The following ARB2A variants were observed in gnomAD, a reference collection of about 807,000 sequenced individuals.
The protein encoded by ARB2A is cotranscriptional regulator ARB2A.
the ARB2A span, among the ~76,000 whole-genome samples, chr5:93,704,418 G>A: frequency 6.6e-6 from 1 of 152,102 alleles, no homozygotes; most frequent in Non-Finnish European, 1.5e-5. Flanking sequence ...AATAAAATTA[G>A]TTGGGCCTTG....
chr5:93,893,810 T>C, the ARB2A span, among the ~76,000 whole-genome samples: 1 of 152,094 alleles, frequency 6.6e-6, no homozygotes, highest in African/African-American at 2.4e-5. Context: ...AAGGAGAAAA[T>C]CTTCTAAACC....
At chr5:93,696,185 T>C in the ARB2A span, among the ~76,000 whole-genome samples, 3 of 152,096 alleles carry the variant, frequency 2.0e-5, no homozygotes, top group East Asian at 5.8e-4. Context: ...AAGGTATCTA[T>C]AAAAAAACCC....
chr5:94,067,095 A>G, the ARB2A span, among the ~76,000 whole-genome samples: 1 of 152,356 alleles, frequency 6.6e-6, no homozygotes, highest in East Asian at 1.9e-4. Context: ...AAACCATATG[A>G]TCATCTCAGT....
chr5:94,042,314 C>CTTTT, the ARB2A span, among the ~76,000 whole-genome samples: 53 of 103,048 alleles, frequency 5.1e-4, no homozygotes, highest in Admixed American at 1.1e-3. Context: ...AAAAGATCAG[C>CTTTT]TTTTTTTTTT....
the ARB2A span, among the ~76,000 whole-genome samples, chr5:93,772,755 C>T: frequency 6.6e-6 from 1 of 152,190 alleles, no homozygotes; most frequent in Non-Finnish European, 1.5e-5. Flanking sequence ...TCCTCCCTGG[C>T]TTTTGGCCTG....
the ARB2A span, among the ~76,000 whole-genome samples, chr5:93,898,102 A>G: frequency 1.3e-5 from 2 of 152,058 alleles, no homozygotes; most frequent in African/African-American, 4.8e-5. Context: ...CCTACCCCTG[A>G]CAATTTTAAG....
chr5:93,663,580 G>A, the ARB2A span, among the ~76,000 whole-genome samples: 3 of 152,124 alleles, frequency 2.0e-5, no homozygotes, highest in South Asian at 2.1e-4. Flanking sequence ...AAAGGCTATC[G>A]GATAGACTGC....
At chr5:94,012,125 A>AG in the ARB2A span, among the ~76,000 whole-genome samples, 1 of 152,056 alleles carries the variant, frequency 6.6e-6, no homozygotes, top group South Asian at 2.1e-4. Context: ...AGATGGGGCC[A>AG]GGCGCAGTGG....
the ARB2A span, among the ~76,000 whole-genome samples, chr5:93,718,686 TAACAACAAC>T: frequency 2.6e-5 from 4 of 152,048 alleles, no homozygotes; most frequent in African/African-American, 9.7e-5. Context: ...TGTCTAATTG[TAACAACAAC>T]AACAACAACA....
the ARB2A span, among the ~76,000 whole-genome samples, chr5:94,062,773 C>T: frequency 6.6e-6 from 1 of 152,210 alleles, no homozygotes; most frequent in South Asian, 2.1e-4. Context: ...AGCCCCACAT[C>T]TCCACATCAC....
chr5:93,950,637 G>A, the ARB2A span, among the ~76,000 whole-genome samples: 1 of 148,186 alleles, frequency 6.7e-6, no homozygotes, highest in Non-Finnish European at 1.5e-5. Flanking sequence ...AGCAAGACTC[G>A]GTCTCAAAAA....
chr5:93,954,545 A>G, the ARB2A span, among the ~76,000 whole-genome samples: 1 of 151,734 alleles, frequency 6.6e-6, no homozygotes, highest in Non-Finnish European at 1.5e-5. Context: ...AAGCACCTCA[A>G]GCAGAGGGAA....
the ARB2A span, among the ~76,000 whole-genome samples, chr5:93,767,537 G>A: frequency 2.0e-4 from 31 of 152,208 alleles, no homozygotes; most frequent in Non-Finnish European, 2.8e-4. Context: ...TCTACCCAGA[G>A]GAAAAGAAGT....
chr5:93,931,683 G>A, the ARB2A span, among the ~76,000 whole-genome samples: 1 of 151,804 alleles, frequency 6.6e-6, no homozygotes, highest in Admixed American at 6.6e-5. Flanking sequence ...AGTACTAAGT[G>A]TACAGCTAAA....
At chr5:93,647,757 C>T in the ARB2A span, among the ~76,000 whole-genome samples, 1 of 152,160 alleles carries the variant, frequency 6.6e-6, no homozygotes, top group Non-Finnish European at 1.5e-5. Flanking sequence ...CTCCTGTCCT[C>T]AAGTGATCCA....
At chr5:93,758,258 T>C in the ARB2A span, among the ~76,000 whole-genome samples, 1 of 151,956 alleles carries the variant, frequency 6.6e-6, no homozygotes, top group African/African-American at 2.4e-5. Flanking sequence ...CAATTACTAA[T>C]AGACCTAAGA....
chr5:93,988,239 T>C, the ARB2A span, among the ~76,000 whole-genome samples: 1 of 152,194 alleles, frequency 6.6e-6, no homozygotes, highest in Non-Finnish European at 1.5e-5. Flanking sequence ...GCAGATGTAT[T>C]ACTCCTTTTA....
chr5:93,782,409 C>T, the ARB2A span, among the ~76,000 whole-genome samples: 1 of 152,094 alleles, frequency 6.6e-6, no homozygotes, highest in Non-Finnish European at 1.5e-5. Flanking sequence ...TAAATCTTAG[C>T]AAATTAGCTG....
the ARB2A span, among the ~76,000 whole-genome samples, chr5:93,666,116 T>C: frequency 2.0e-5 from 3 of 152,188 alleles, no homozygotes; most frequent in Non-Finnish European, 4.4e-5. Context: ...CTTTATCCTA[T>C]TCAAAACAGG....
Sources: gnomAD v4.1 joint callset for allele counts (sites outside exome capture counted in the v4.1 genomes callset) on GRCh38, gnomAD v4.1.1 for gene constraint, MANE v1.5 for transcripts, NCBI Gene and HGNC (gene_info 2026-07-23, HGNC 2026-07-21) for gene names.